SPOCK1: variants seen among roughly 807,000 people sequenced by gnomAD.
The protein encoded by SPOCK1 is testican-1.
SPOCK1 carries 23 observed loss-of-function variants against 55.3 expected under a neutral mutation model. The ratio of observed to expected loss-of-function variants is 0.42; its 90% CI spans 0.30 to 0.59. The LOEUF is 0.59. Among genes scored for constraint, SPOCK1 ranks in the 20% least tolerant of loss-of-function variants. The pLI is 0.22. For missense variants in SPOCK1, 499 were observed against 552.5 expected, an observed-to-expected ratio of 0.90 and a Z score of 0.97; for synonymous variants, 226 against 221.0, an observed-to-expected ratio of 1.02 and a Z score of -0.20.
chr5:137,432,374 A>G (rs2149829278), intron 2 of SPOCK1, among the ~76,000 whole-genome samples: 1 of 152,150 alleles, frequency 6.6e-6, no homozygotes, highest in East Asian at 1.9e-4. Context: ...CTGACCAGTG[A>G]AAAGATTTTT....
chr5:137,260,225 GC>G, intron 3 of SPOCK1, among the ~76,000 whole-genome samples: 1 of 152,244 alleles, frequency 6.6e-6, no homozygotes, highest in South Asian at 2.1e-4. Flanking sequence ...CACTCTTCAG[GC>G]CAAGCAGTTT....
At chr5:137,267,834 T>C (rs1231276862) in intron 2 of SPOCK1, among the ~76,000 whole-genome samples, 1 of 152,226 alleles carries the variant, frequency 6.6e-6, no homozygotes, top group South Asian at 2.1e-4. Context: ...TTTGACCCCA[T>C]TGTTTCCTGG....
rs901946439 is a variant in SPOCK1 at position 137,019,984 on chromosome 5, G to A, written c.590-27384C>T. ...GGAGGAACACAGAGATACTGATTAA[G>A]TTTAGGCTCTGACAAGTAAAGTATG... On this transcript the variant is annotated intron_variant, in intron 6 of 10. Coordinates refer to ENST00000394945, the MANE Select transcript of SPOCK1 (RefSeq NM_004598.4). Among the ~76,000 whole-genome samples the A allele has an allele frequency of 3.3e-5, 5 of 151,904 alleles. 1 individual carries two copies. The highest frequency in any genetic ancestry group is 7.4e-5 in the Non-Finnish European group (5 of 67,872).
chr5:137,235,755 G>A (rs963268824), intron 3 of SPOCK1, among the ~76,000 whole-genome samples: 2 of 152,208 alleles, frequency 1.3e-5, no homozygotes, highest in African/African-American at 2.4e-5. Context: ...GTACAGATAT[G>A]ACCACTAGGA....
chr5:137,343,352 G>A (rs779291479), intron 2 of SPOCK1, among the ~76,000 whole-genome samples: 1 of 152,226 alleles, frequency 6.6e-6, no homozygotes, highest in Non-Finnish European at 1.5e-5. Context: ...CAGAAGAGGT[G>A]CATAGGCCAG....
intron 5 of SPOCK1, among the ~76,000 whole-genome samples, chr5:137,100,868 G>A (rs1046120714): frequency 4.4e-5 from 4 of 90,058 alleles, no homozygotes; most frequent in South Asian, 3.5e-4. Context: ...ATTTGTTTCC[G>A]AAAGGGGAAA....
chr5:137,204,802 C>T (rs1168013440), intron 3 of SPOCK1, among the ~76,000 whole-genome samples: 1 of 152,156 alleles, frequency 6.6e-6, no homozygotes, highest in Non-Finnish European at 1.5e-5. Flanking sequence ...TCCACTGACC[C>T]CTGCAATCTC....
chr5:137,248,200 T>C (rs1177750859), intron 3 of SPOCK1, among the ~76,000 whole-genome samples: 1 of 152,230 alleles, frequency 6.6e-6, no homozygotes, highest in Non-Finnish European at 1.5e-5. Flanking sequence ...GAGAAGAATA[T>C]ACTTTCTAAG....
chr5:137,019,749 G>A (rs1337476262), intron 6 of SPOCK1, among the ~76,000 whole-genome samples: 2 of 152,000 alleles, frequency 1.3e-5, no homozygotes, highest in African/African-American at 4.8e-5. Context: ...ACTTCAGACA[G>A]AAGAAAAGTG....
intron 5 of SPOCK1, 133 bp from the exon 6 acceptor site, chr5:137,067,962 G>A (rs1478975471): frequency 6.2e-6 from 4 of 649,348 alleles, no homozygotes; most frequent in Non-Finnish European, 1.1e-5. Context: ...CTCAGGTAGA[G>A]GTCTCAATTA....
chr5:137,415,749 T>C (rs1752314535), intron 2 of SPOCK1, among the ~76,000 whole-genome samples: 1 of 152,154 alleles, frequency 6.6e-6, no homozygotes, highest in Non-Finnish European at 1.5e-5. Context: ...TTAAGGTTTC[T>C]GGGAAAAAAA....
At chr5:137,066,434 C>T (rs1403501402) in intron 6 of SPOCK1, among the ~76,000 whole-genome samples, 2 of 152,058 alleles carry the variant, frequency 1.3e-5, no homozygotes, top group Non-Finnish European at 2.9e-5. Context: ...CCACCACACC[C>T]GGCTGGCAAC....
intron 2 of SPOCK1, among the ~76,000 whole-genome samples, chr5:137,410,375 C>G (rs1435617891): frequency 1.3e-5 from 2 of 152,140 alleles, no homozygotes; most frequent in African/African-American, 4.8e-5. Flanking sequence ...TTAAGGGGAA[C>G]CAGCCCTTGG....
chr5:137,211,774 CTT>C, intron 3 of SPOCK1, among the ~76,000 whole-genome samples: 1 of 152,126 alleles, frequency 6.6e-6, no homozygotes, highest in Non-Finnish European at 1.5e-5. Flanking sequence ...TGTAATGGAG[CTT>C]CCATAAAACC....
chr5:137,399,369 G>T (rs1270205756), intron 2 of SPOCK1, among the ~76,000 whole-genome samples: 1 of 97,814 alleles, frequency 1.0e-5, no homozygotes, highest in Admixed American at 1.2e-4. Flanking sequence ...ATTGTTTGTT[G>T]TTGTTGTTGT....
intron 3 of SPOCK1, among the ~76,000 whole-genome samples, chr5:137,200,778 T>C (rs1755411950): frequency 6.6e-6 from 1 of 152,166 alleles, no homozygotes; most frequent in Admixed American, 6.5e-5. Flanking sequence ...AAGCCCCTCA[T>C]GCATTAGGTA....
At chr5:137,254,252 C>T (rs1756592791) in intron 3 of SPOCK1, among the ~76,000 whole-genome samples, 1 of 152,182 alleles carries the variant, frequency 6.6e-6, no homozygotes. Flanking sequence ...AGAGATGTGG[C>T]TTAAAATTAG....
chr5:137,272,765 T>C lies in SPOCK1; in HGVS notation c.187-5710A>G, dbSNP rs142052624. Among the ~76,000 whole-genome samples the C allele has an allele frequency of 8.3e-3, 845 of 101,208 alleles. 8 individuals carry two copies. The highest frequency in any genetic ancestry group is 0.03 in the African/African-American group (788 of 26,596). 66.4% of individuals were successfully genotyped at this position (101,208 alleles called of 152,430 possible). A position where few individuals can be genotyped will look rare whatever the true frequency, so the allele number is the denominator to read the frequency against. On this transcript the variant is annotated intron_variant, in intron 2 of 10. Coordinates refer to ENST00000394945, the MANE Select transcript of SPOCK1 (RefSeq NM_004598.4). ...CCACCCCCCAACACACACACGGGCC[T>C]AGGCCGCTTCTGAGCAGGGATGGGT...
intron 2 of SPOCK1, among the ~76,000 whole-genome samples, chr5:137,322,430 G>A (rs778240687): frequency 9.2e-5 from 14 of 151,376 alleles, no homozygotes; most frequent in Non-Finnish European, 1.3e-4. Context: ...TCTAACAATG[G>A]TAGGTAAATC....
Sources: gnomAD v4.1 joint callset for allele counts (sites outside exome capture counted in the v4.1 genomes callset) on GRCh38, gnomAD v4.1.1 for gene constraint, MANE v1.5 for transcripts, NCBI Gene and HGNC (gene_info 2026-07-23, HGNC 2026-07-21) for gene names.